Variants in VDAC1 observed in about 807,000 individuals in gnomAD.
The protein encoded by VDAC1 is voltage dependent anion channel 1, also known as non-selective voltage-gated ion channel VDAC1.
VDAC1 carries 10 observed loss-of-function variants against 34.7 expected under a neutral mutation model. The observed-to-expected ratio is 0.29, with a 90% CI of 0.18 to 0.49. The LOEUF is 0.49. VDAC1 is among the 20% of genes least tolerant of loss of function. VDAC1 has a pLI of 0.99. For synonymous variants in VDAC1, 130 were observed against 136.0 expected, an observed-to-expected ratio of 0.96 and a Z score of 0.30; for missense variants, 230 against 347.9, an observed-to-expected ratio of 0.66 and a Z score of 2.69.
At chr5:134,070,171 T>G in the VDAC1 span, among the ~76,000 whole-genome samples, 1 of 152,320 alleles carries the variant, frequency 6.6e-6, no homozygotes, top group East Asian at 1.9e-4. Flanking sequence ...AGGTGGAGCC[T>G]CGCTCTGTTG....
At chr5:134,034,599 G>A in the VDAC1 span, among the ~76,000 whole-genome samples, 2 of 152,108 alleles carry the variant, frequency 1.3e-5, no homozygotes, top group African/African-American at 4.8e-5. Flanking sequence ...ACGCCTTTTC[G>A]GGCACTTTGA....
the VDAC1 span, among the ~76,000 whole-genome samples, chr5:134,024,909 C>T: frequency 6.6e-6 from 1 of 152,216 alleles, no homozygotes; most frequent in Non-Finnish European, 1.5e-5. Flanking sequence ...AGCTGAGCTA[C>T]CATACACGTG....
At position 133,981,126 on chromosome 5, in the gene VDAC1, C is replaced by G. The variant is rs529411952; in HGVS notation, c.324-170G>C. On this transcript the variant is annotated intron_variant, in intron 5 of 8. Transcript: ENST00000265333. ...TGTACCACAATGAGCAGGACACAAC[C>G]TCTCTTCCACAGGGACTCAGTCTGC... The G allele has an allele frequency of 1.8e-5, 11 of 605,656 alleles. No individual in the cohort carries two copies. The East Asian group carries it at 3.0e-4, about 17-fold the overall frequency. The allele number at this position is 605,656 out of a possible 1,614,324, so 37.5% of individuals were successfully genotyped here.
chr5:133,994,627 C>T (rs936223267), intron 1 of VDAC1, among the ~76,000 whole-genome samples: 9 of 152,140 alleles, frequency 5.9e-5, no homozygotes, highest in African/African-American at 2.2e-4. Flanking sequence ...AAACCACCCA[C>T]CAGAACCTCA....
intron 5 of VDAC1, among the ~76,000 whole-genome samples, chr5:133,990,030 C>G (rs1055821585): frequency 5.3e-5 from 8 of 152,224 alleles, no homozygotes; most frequent in African/African-American, 1.7e-4. Flanking sequence ...AACATCTTCC[C>G]CAGGTTTGGA....
chr5:134,055,597 T>TTTTTTTTGTTTTTG, the VDAC1 span, among the ~76,000 whole-genome samples: 1 of 48,044 alleles, frequency 2.1e-5, no homozygotes, highest in African/African-American at 5.8e-5. Context: ...TGTTTTTTTT[T>TTTTTTTTGTTTTTG]TTTTTTTTTT....
At chr5:134,059,370 G>T in the VDAC1 span, among the ~76,000 whole-genome samples, 4 of 152,134 alleles carry the variant, frequency 2.6e-5, no homozygotes, top group Admixed American at 2.6e-4. Flanking sequence ...AAGAGGAAGC[G>T]GCTGGCATCA....
chr5:134,066,374 G>A, the VDAC1 span, among the ~76,000 whole-genome samples: 2 of 152,196 alleles, frequency 1.3e-5, no homozygotes, highest in South Asian at 4.1e-4. Context: ...TGTGAATGCA[G>A]CTATAGACAA....
intron 6 of VDAC1, among the ~76,000 whole-genome samples, chr5:133,977,160 G>A (rs1193990856): frequency 1.3e-5 from 2 of 152,242 alleles, no homozygotes; most frequent in African/African-American, 2.4e-5. Flanking sequence ...GCAAGTTAGA[G>A]CCCTTGGCAC....
At chr5:134,024,184 G>A in the VDAC1 span, among the ~76,000 whole-genome samples, 6 of 151,816 alleles carry the variant, frequency 4.0e-5, no homozygotes, top group Admixed American at 1.3e-4. Flanking sequence ...AGTATTTCAT[G>A]GAGAGCCCTG....
upstream of VDAC1, among the ~76,000 whole-genome samples, chr5:134,009,506 C>T (rs1236058000): frequency 6.6e-6 from 1 of 151,306 alleles, no homozygotes; most frequent in Admixed American, 6.6e-5. Flanking sequence ...ATCTGCCGGC[C>T]TCCGCCTCCC....
chr5:134,048,969 A>C, the VDAC1 span, among the ~76,000 whole-genome samples: 13 of 152,324 alleles, frequency 8.5e-5, no homozygotes, highest in East Asian at 2.5e-3. Flanking sequence ...AAGTAATAAT[A>C]ATCATGATAT....
the VDAC1 span, among the ~76,000 whole-genome samples, chr5:134,037,335 C>T: frequency 5.3e-5 from 8 of 152,256 alleles, no homozygotes; most frequent in South Asian, 2.1e-4. Context: ...AATTTCTTCC[C>T]GAGGTGCTTG....
chr5:134,096,276 C>A, the VDAC1 span, among the ~76,000 whole-genome samples: 1 of 152,258 alleles, frequency 6.6e-6, no homozygotes, highest in African/African-American at 2.4e-5. Flanking sequence ...AGGAGTTGCG[C>A]TCCTCTCTCC....
chr5:134,089,364 G>C, the VDAC1 span, among the ~76,000 whole-genome samples: 1 of 152,208 alleles, frequency 6.6e-6, no homozygotes, highest in Non-Finnish European at 1.5e-5. Flanking sequence ...AGAAGCAGGT[G>C]GCTTCTTAGG....
the VDAC1 span, among the ~76,000 whole-genome samples, chr5:134,012,359 G>T: frequency 6.6e-6 from 1 of 152,198 alleles, no homozygotes; most frequent in African/African-American, 2.4e-5. Context: ...TGTTACAACA[G>T]CAATAGGAAA....
At chr5:134,046,095 G>T in the VDAC1 span, among the ~76,000 whole-genome samples, 1 of 150,722 alleles carries the variant, frequency 6.6e-6, no homozygotes, top group East Asian at 2.0e-4. Context: ...GCGCAATCTC[G>T]GCTCACTGCA....
At position 134,002,702 on chromosome 5, in the gene VDAC1, C is replaced by T. The variant is rs146468239; in HGVS notation, c.-7+2193G>A. On this transcript the variant is annotated intron_variant, in intron 1 of 8. Coordinates refer to ENST00000265333, the MANE Select transcript of VDAC1 (RefSeq NM_003374.3). The stretch of plus-strand genomic sequence containing the variant: ...GTCCAGGACCGGGCATGGTGGCTCA[C>T]GCGTGTAATCCCAGCACTTTGGGAG... 2.3e-3 allele frequency among the ~76,000 whole-genome samples: 349 copies of T among 152,294 alleles called. 3 individuals are homozygous for T. Among genetic ancestry groups the T allele is most frequent in the African/African-American group, 8.1e-3 (336 of 41,550 alleles).
At chr5:134,084,628 T>G in the VDAC1 span, among the ~76,000 whole-genome samples, 6 of 152,218 alleles carry the variant, frequency 3.9e-5, no homozygotes, top group East Asian at 1.9e-4. Context: ...CCACTTCAAC[T>G]CTCTGTGCCT....
Sources: allele counts gnomAD v4.1 joint callset (sites outside exome capture counted in the v4.1 genomes callset), GRCh38; gene constraint gnomAD v4.1.1; transcripts MANE v1.5; gene names NCBI Gene and HGNC (gene_info 2026-07-23, HGNC 2026-07-21).